ACOX3: variants seen among roughly 807,000 people sequenced by gnomAD.
The protein encoded by ACOX3 is acyl-CoA oxidase 3, pristanoyl.
ACOX3 carries 73 observed loss-of-function variants against 81.5 expected under a neutral mutation model. The ratio of observed to expected loss-of-function variants is 0.90; its 90% confidence interval spans 0.74 to 1.09. The LOEUF is 1.09. Among genes scored for constraint, ACOX3 ranks in the 50% least tolerant of loss-of-function variants. ACOX3 has a pLI of 0.00. For missense variants in ACOX3, 947 were observed against 928.0 expected (o/e 1.02, Z -0.27); for synonymous variants, 387 against 375.1 (o/e 1.03, Z -0.37).
intron 1 of ACOX3, 65 bp downstream of exon 1, chr4:8,440,583 T>C (rs577363948): frequency 4.2e-6 from 2 of 473,580 alleles, no homozygotes; most frequent in Non-Finnish European, 7.2e-6. Flanking sequence ...TGATGTTTGA[T>C]TCTGTAACTA....
intron 1 of ACOX3, among the ~76,000 whole-genome samples, chr4:8,433,135 AC>A (rs1334590633): frequency 6.6e-6 from 1 of 152,190 alleles, no homozygotes; most frequent in African/African-American, 2.4e-5. Flanking sequence ...TGCTCCCTGG[AC>A]CCAGCAGCCT....
intron 14 of ACOX3, 104 bp from the exon 15 acceptor site, chr4:8,375,256 G>T (rs11730909): frequency 1.7e-6 from 2 of 1,161,038 alleles, no homozygotes; most frequent in Non-Finnish European, 2.4e-6. Context: ...CTGCGTTCCC[G>T]TGCATGTCCT....
chr4:8,410,366 G>A lies in ACOX3; in HGVS notation c.544-11C>T, dbSNP rs751437971. On this transcript the variant is annotated splice_polypyrimidine_tract_variant and intron_variant, in intron 5 of 17. Coordinates refer to ENST00000356406, the MANE Select transcript of ACOX3 (RefSeq NM_003501.3). ...ATGTATGATGAATTCCTGCACAAGGGAAAATTTAGGTTAGTTATAATTAGC... is the reference window on the plus strand; with the variant it reads ...ATGTATGATGAATTCCTGCACAAGGAAAAATTTAGGTTAGTTATAATTAGC... The A allele has an allele frequency of 1.2e-6, 2 of 1,612,926 alleles. No individual in the cohort carries two copies. Among genetic ancestry groups the A allele is most frequent in the South Asian group, 1.1e-5 (1 of 91,024 alleles).
rs768340926 is a variant in ACOX3, at chr4:8,419,395, C to T, written c.-14-2860G>A. On this transcript the variant is annotated intron_variant, in intron 1 of 17. Coordinates refer to ENST00000356406, the MANE Select transcript of ACOX3 (RefSeq NM_003501.3). This position sits in a 1 kb window ranked among gnomAD's most constrained non-coding sequence, Gnocchi z 4.2. ...GATTGCAGTAGCCTAGATTGCGCCA[C>T]TGCACTCCAGCCTGGGTGACAGAGT... is the stretch of plus-strand genomic sequence containing the variant. 2.6e-5 allele frequency among the ~76,000 whole-genome samples: 4 copies of T among 151,016 alleles called. No individual in the cohort carries two copies. The highest frequency in any genetic ancestry group is 4.4e-5 in the Non-Finnish European group (3 of 67,836).
At chr4:8,398,771 C>T (rs1367616396) in intron 8 of ACOX3, among the ~76,000 whole-genome samples, 1 of 152,222 alleles carries the variant, frequency 6.6e-6, no homozygotes, top group Non-Finnish European at 1.5e-5. Context: ...CCACTGCACC[C>T]AGCCTTCATT....
At chr4:8,408,308 C>T (rs910483602) in intron 6 of ACOX3, among the ~76,000 whole-genome samples, 1 of 151,994 alleles carries the variant, frequency 6.6e-6, no homozygotes. Context: ...AGATGCCTGC[C>T]CCTCCGCCCA....
At chr4:8,371,935 C>T (rs565527962) in intron 16 of ACOX3, among the ~76,000 whole-genome samples, 1 of 152,392 alleles carries the variant, frequency 6.6e-6, no homozygotes, top group South Asian at 2.1e-4. Context: ...CTCAGGTGAA[C>T]GGCAGGATTG....
rs1260941955 is a variant in ACOX3, at chr4:8,367,044, T to C, written c.2020A>G (p.Ser674Gly). 1.9e-6 allele frequency: 3 copies of C among 1,614,006 alleles called. No homozygotes were observed. The highest frequency in any genetic ancestry group is 1.7e-6 in the Non-Finnish European group (2 of 1,180,016). Residue 674 changes from serine to glycine, a missense_variant, in exon 18 of 18, where the codon AGC becomes GGC. By Grantham distance (56) the Ser-to-Gly change is moderately conservative. Transcript: ENST00000356406. The stretch of plus-strand genomic sequence containing the variant: ...CAGGATGCCCGCTCCAACACCTTGC[T>C]TTCCTGCAGGACAGCGCCCCAGAGG... ...KNLWGAVLQE[S>G]KVLERASWWP... is the part of the protein sequence containing the mutation.
At position 8,414,357 on chromosome 4, in the gene ACOX3, C is replaced by T. The variant is rs141372938; in HGVS notation, c.478G>A (p.Glu160Lys). 2.9e-5 allele frequency: 46 copies of T among 1,614,000 alleles called. No individual in the cohort carries two copies. The Middle Eastern group carries it at 4.9e-4, about 17-fold the overall frequency. ...MEIFGCFALT[E>K]LSHGSNTKAI... is the part of the protein sequence containing the mutation. The stretch of plus-strand genomic sequence containing the variant: ...TTGGTATTACTGCCGTGGCTTAATT[C>T]GGTCAGAGCAAAACATCCAAAAATC... The change falls in exon 5 of 18, where the codon GAA (glutamate) becomes AAA (lysine). Residue 160 changes from glutamate (E) to lysine (K), a missense_variant. By Grantham distance (56) the Glu-to-Lys change is moderately conservative. Transcript: ENST00000356406. The surrounding 1 kb of genome is among the most constrained non-coding windows in gnomAD (Gnocchi z 6.1).
the ACOX3 span, chr4:8,356,531 C>A: frequency 6.6e-6 from 3 of 452,402 alleles, no homozygotes; most frequent in Admixed American, 7.1e-5. Flanking sequence ...AAAAAGATGT[C>A]CACAGAGTAT....
At chr4:8,393,643 A>G (rs111723461) in intron 10 of ACOX3, among the ~76,000 whole-genome samples, 2,766 of 125,072 alleles carry the variant, frequency 0.022, 30 homozygotes, top group Non-Finnish European at 0.031. Context: ...ACACGCACAC[A>G]CACACACACA....
chr4:8,390,101 TCAA>T (rs1288930354), intron 11 of ACOX3, among the ~76,000 whole-genome samples: 3 of 73,894 alleles, frequency 4.1e-5, no homozygotes, highest in East Asian at 2.9e-4. Context: ...AGACCCTGTC[TCAA>T]CAACAACAAC....
In ACOX3 at chr4:8,370,998, T is replaced by C. The variant is rs566647846; in HGVS notation, c.1897-4A>G. 15 of 1,613,980 alleles carry C rather than the reference T, an allele frequency of 9.3e-6. No individual in the cohort carries two copies. The South Asian group carries it at 1.2e-4, about 13-fold the overall frequency. On this transcript the variant is annotated splice_region_variant and splice_polypyrimidine_tract_variant and intron_variant, in intron 16 of 17. Transcript: ENST00000356406. This position sits in a 1 kb window ranked among gnomAD's most constrained non-coding sequence, Gnocchi z 6.3. ...GGGCAACTGCATCGTCTTTCAGCTG[T>C]TGGAAAACAAAGCCCAGACACTTGG...
intron 11 of ACOX3, among the ~76,000 whole-genome samples, chr4:8,392,043 G>A (rs1719052383): frequency 6.6e-6 from 1 of 152,250 alleles, no homozygotes; most frequent in Non-Finnish European, 1.5e-5. Context: ...TAGGGCAGGG[G>A]TTGGCAAACT....
At chr4:8,409,103 A>G (rs1039802119) in intron 6 of ACOX3, among the ~76,000 whole-genome samples, 3 of 152,248 alleles carry the variant, frequency 2.0e-5, no homozygotes, top group African/African-American at 7.2e-5. Context: ...GTAACCTTAC[A>G]ATGAAAAAAA....
intron 11 of ACOX3, among the ~76,000 whole-genome samples, chr4:8,391,300 C>T (rs1718972394): frequency 6.6e-6 from 1 of 152,208 alleles, no homozygotes; most frequent in South Asian, 2.1e-4. Context: ...ACGTTGCTAA[C>T]AGCCCATGCT....
rs2109042046 is a variant in ACOX3 at position 8,430,686 on chromosome 4, T to A, written c.-15+9962A>T. ...GCCTGGCCAACATGGTGAAACCCCA[T>A]CTCTACTAAAAATACAAAAATTAGC... On this transcript the variant is annotated intron_variant, in intron 1 of 17. Coordinates refer to ENST00000356406, the MANE Select transcript of ACOX3 (RefSeq NM_003501.3). This position sits in a 1 kb window ranked among gnomAD's most constrained non-coding sequence, Gnocchi z 5.2. Among the ~76,000 whole-genome samples the A allele has an allele frequency of 6.6e-6, 1 of 152,170 alleles. No homozygotes were observed. The highest frequency in any genetic ancestry group is 1.9e-4 in the East Asian group (1 of 5,176).
At chr4:8,391,039 G>GTATATGTATAT (rs1560179471) in intron 11 of ACOX3, among the ~76,000 whole-genome samples, 1 of 86,698 alleles carries the variant, frequency 1.2e-5, no homozygotes, top group Admixed American at 9.7e-5. Context: ...ATGTGTATAT[G>GTATATGTATAT]TATATGTATA....
At chr4:8,410,388 T>C (rs1206284486) in intron 5 of ACOX3, 33 bp from the exon 6 acceptor site, 7 of 1,608,822 alleles carry the variant, frequency 4.4e-6, no homozygotes, top group Non-Finnish European at 4.3e-6. Flanking sequence ...TAGTTATAAT[T>C]AGCAACTAAA....
Sources: allele counts gnomAD v4.1 joint callset (sites outside exome capture counted in the v4.1 genomes callset), GRCh38; gene constraint gnomAD v4.1.1; non-coding constraint Gnocchi (gnomAD v3.1); transcripts MANE v1.5; gene names NCBI Gene and HGNC (gene_info 2026-07-23, HGNC 2026-07-21).